The following ELL2 variants were observed in gnomAD, a reference collection of about 807,000 sequenced individuals.
ELL2 encodes the protein RNA polymerase II elongation factor ELL2.
In ELL2, 21 loss-of-function variants were observed where a neutral mutation model predicts 72.8. The observed-to-expected ratio is 0.29, with a 90% CI of 0.20 to 0.42. The LOEUF (loss-of-function observed/expected upper bound fraction) is 0.42, where lower values mean the gene tolerates loss of function less well. Ranked by LOEUF, ELL2 falls within the 10% of genes least tolerant of loss-of-function variation. ELL2 has a pLI of 1.00. For missense variants in ELL2, 568 were observed against 772.8 expected (o/e 0.73, Z 3.14); for synonymous variants, 266 against 283.2 (o/e 0.94, Z 0.61).
At chr5:95,953,443 G>T (rs1751494690) in intron 1 of ELL2, among the ~76,000 whole-genome samples, 1 of 152,176 alleles carries the variant, frequency 6.6e-6, no homozygotes, top group African/African-American at 2.4e-5. Context: ...CAAAAGCAAT[G>T]ATATTAAATG....
intron 1 of ELL2, among the ~76,000 whole-genome samples, chr5:95,954,152 T>C (rs995145419): frequency 3.3e-5 from 5 of 152,188 alleles, no homozygotes; most frequent in African/African-American, 1.2e-4. Flanking sequence ...TATATATCTG[T>C]CTGCCTCAAA....
At chr5:95,931,148 G>A (rs1750585704) in intron 2 of ELL2, among the ~76,000 whole-genome samples, 1 of 151,570 alleles carries the variant, frequency 6.6e-6, no homozygotes, top group African/African-American at 2.4e-5. Flanking sequence ...CATTGGGTCT[G>A]GAGCAAACTA....
At chr5:95,906,252 CACT>C (rs1350068325) in intron 5 of ELL2, among the ~76,000 whole-genome samples, 1 of 152,116 alleles carries the variant, frequency 6.6e-6, no homozygotes, top group African/African-American at 2.4e-5. Flanking sequence ...AGATAACAAA[CACT>C]TCTTACTTTC....
chr5:95,930,779 G>C (rs1352604334), intron 2 of ELL2, among the ~76,000 whole-genome samples: 2 of 152,196 alleles, frequency 1.3e-5, no homozygotes, highest in African/African-American at 4.8e-5. Context: ...CACAGTCTAT[G>C]CTAAACAAGG....
chr5:95,944,978 A>G (rs1751101700), intron 1 of ELL2, among the ~76,000 whole-genome samples: 1 of 151,994 alleles, frequency 6.6e-6, no homozygotes, highest in African/African-American at 2.4e-5. Context: ...CTCTGATCAC[A>G]CCTTTCATTT....
intron 2 of ELL2, among the ~76,000 whole-genome samples, chr5:95,929,175 C>T (rs1750502752): frequency 6.6e-6 from 1 of 152,150 alleles, no homozygotes; most frequent in South Asian, 2.1e-4. Context: ...GCCTTCACTA[C>T]ATTGTATATG....
rs557976598 is a variant in ELL2 at position 95,912,307 on chromosome 5, T to A, written c.481+1464A>T. Among the ~76,000 whole-genome samples the A allele has an allele frequency of 2.3e-4, 35 of 152,214 alleles. No homozygotes were observed. In the South Asian group the frequency reaches 7.1e-3, roughly 31 times the overall value. On this transcript the variant is annotated intron_variant, in intron 4 of 11. Coordinates refer to ENST00000237853, the MANE Select transcript of ELL2 (RefSeq NM_012081.6). ...CTTTGGAATAAATCAAGGGGAGGGT[T>A]TTTTTTTCAGCTAGTTATATCGGGA...
At chr5:95,889,813 C>T (rs1400126569) in intron 10 of ELL2, among the ~76,000 whole-genome samples, 1 of 150,086 alleles carries the variant, frequency 6.7e-6, no homozygotes, top group Admixed American at 6.7e-5. Context: ...CATACATGCA[C>T]ATATCACACA....
chr5:95,931,328 C>T (rs368038673), intron 2 of ELL2, among the ~76,000 whole-genome samples: 2 of 151,988 alleles, frequency 1.3e-5, no homozygotes, highest in African/African-American at 4.8e-5. Context: ...GCACAAGGCC[C>T]GGTACACAGT....
rs909695054 is a variant in ELL2 at position 95,910,314 on chromosome 5, A to G, written c.481+3457T>C. 7.2e-4 allele frequency among the ~76,000 whole-genome samples: 109 copies of G among 152,156 alleles called. 2 individuals carry two copies. The highest frequency in any genetic ancestry group is 4.4e-5 in the Non-Finnish European group (3 of 68,012). On this transcript the variant is annotated intron_variant, in intron 4 of 11. Transcript: ENST00000237853. The stretch of plus-strand genomic sequence containing the variant: ...AAAAATTGGAAACAGAATCCTAGAA[A>G]TTAGATTGGTTATTTTGTACACCTA...
intron 3 of ELL2, among the ~76,000 whole-genome samples, chr5:95,915,257 C>T (rs1749741977): frequency 6.6e-6 from 1 of 152,180 alleles, no homozygotes; most frequent in Non-Finnish European, 1.5e-5. Context: ...CACATGCCAC[C>T]ATGCCCAGCT....
chr5:95,927,745 ATATG>A (rs1193780036), intron 2 of ELL2, among the ~76,000 whole-genome samples: 1 of 78,690 alleles, frequency 1.3e-5, no homozygotes, highest in Non-Finnish European at 2.3e-5. Context: ...ACACACACAC[ATATG>A]TGTGTATATA....
In ELL2 at chr5:95,950,935, TATATATATATATA is replaced by T. The variant is rs1561515442; in HGVS notation, c.148-7899_148-7887del. On this transcript the variant is annotated intron_variant, in intron 1 of 11. Coordinates refer to ENST00000237853, the MANE Select transcript of ELL2 (RefSeq NM_012081.6). ...ATATATATATATATATATATATATATATATATATATATATATATAAAATCTTCATATATATGGT... is the reference window on the plus strand; with the variant it reads ...ATATATATATATATATATATATATATTATATAAAATCTTCATATATATGGT... Among the ~76,000 whole-genome samples the T allele has an allele frequency of 1.8e-3, 224 of 121,600 alleles. 1 individual carries two copies. The highest frequency in any genetic ancestry group is 9.5e-3 in the East Asian group (46 of 4,854). The allele number at this position is 121,600 out of a possible 152,430, so 79.8% of individuals were successfully genotyped here. A position where few individuals can be genotyped will look rare whatever the true frequency, so the allele number is the denominator to read the frequency against.
chr5:95,903,690 C>T (rs934203416), intron 5 of ELL2, among the ~76,000 whole-genome samples: 1 of 152,134 alleles, frequency 6.6e-6, no homozygotes, highest in African/African-American at 2.4e-5. Flanking sequence ...ATATATGCTG[C>T]TAATTCCTAA....
At chr5:95,930,818 G>A (rs933724022) in intron 2 of ELL2, among the ~76,000 whole-genome samples, 1 of 152,118 alleles carries the variant, frequency 6.6e-6, no homozygotes, top group Non-Finnish European at 1.5e-5. Context: ...TACAATATTT[G>A]GGGTATATCA....
intron 2 of ELL2, among the ~76,000 whole-genome samples, chr5:95,929,992 C>T (rs984595955): frequency 2.6e-5 from 4 of 152,064 alleles, no homozygotes; most frequent in African/African-American, 7.2e-5. Context: ...AAACACTCGC[C>T]GAATACTCTG....
At chr5:95,931,613 G>A (rs533410253) in intron 2 of ELL2, among the ~76,000 whole-genome samples, 72 of 151,890 alleles carry the variant, frequency 4.7e-4, no homozygotes, top group Non-Finnish European at 9.0e-4. Context: ...AAGGTATCTG[G>A]AAAAATAAAC....
chr5:95,908,234 C>G (rs1484610360), intron 4 of ELL2, among the ~76,000 whole-genome samples: 1 of 152,182 alleles, frequency 6.6e-6, no homozygotes, highest in Non-Finnish European at 1.5e-5. Flanking sequence ...GTGGGGGACA[C>G]TGTGCTAAGA....
rs1171339381 is a variant in ELL2 at position 95,927,465 on chromosome 5, G to GTA, written c.196-7922_196-7921dup. On this transcript the variant is annotated intron_variant, in intron 2 of 11. Coordinates refer to ENST00000237853, the MANE Select transcript of ELL2 (RefSeq NM_012081.6). ...TATATAGACATACACACACACGTGT[G>GTA]TATATAGACATACACACACGTGTGT... Among the ~76,000 whole-genome samples, 34 of 32,272 alleles carry GTA rather than the reference G, an allele frequency of 1.1e-3. 6 individuals are homozygous for GTA. The highest frequency in any genetic ancestry group is 3.6e-3 in the South Asian group (2 of 554). 21.2% of individuals were successfully genotyped at this position (32,272 alleles called of 152,430 possible).
Sources: allele counts gnomAD v4.1 joint callset (sites outside exome capture counted in the v4.1 genomes callset), GRCh38; gene constraint gnomAD v4.1.1; transcripts MANE v1.5; gene names NCBI Gene and HGNC (gene_info 2026-07-23, HGNC 2026-07-21).